The following ZKSCAN3 variants were observed in gnomAD, a reference collection of about 807,000 sequenced individuals.
ZKSCAN3 encodes zinc finger with KRAB and SCAN domains 3.
A neutral mutation model predicts 30.7 loss-of-function variants in ZKSCAN3; 21 were observed. The ratio of observed to expected loss-of-function variants is 0.68; its 90% CI spans 0.49 to 0.99. ZKSCAN3 has a LOEUF of 0.99. ZKSCAN3 is among the 50% of genes least tolerant of loss of function. The probability of loss-of-function intolerance (pLI) is 0.00; values close to 1 mark genes in which losing one functional copy is unlikely to be tolerated. For missense variants in ZKSCAN3, 507 were observed against 647.1 expected, an observed-to-expected ratio of 0.78 and a Z score of 2.35; for synonymous variants, 201 against 246.7, an observed-to-expected ratio of 0.81 and a Z score of 1.73.
rs112636754 is a variant in ZKSCAN3 at position 28,350,084 on chromosome 6, A to ATGTGTG, written c.-63+39_-63+44dup. On this transcript the variant is annotated intron_variant, in intron 1 of 5. Transcript: ENST00000252211. ...CGGGTAGAGGTGCGTTTGCAGGAGT[A>ATGTGTG]TGTGTGTGTGTGTGTGTGTGTGTGT... 0.086 allele frequency: 12,743 copies of ATGTGTG among 148,698 alleles called. 596 individuals carry two copies. The highest frequency in any genetic ancestry group is 0.11 in the African/African-American group (4,236 of 40,292). 9.2% of individuals were successfully genotyped at this position (148,698 alleles called of 1,614,324 possible). A position where few individuals can be genotyped will look rare whatever the true frequency, so the allele number is the denominator to read the frequency against.
At chr6:28,350,251 A>G (rs1764899908) in intron 1 of ZKSCAN3, 184 bp downstream of exon 1, 1 of 152,258 alleles carries the variant, frequency 6.6e-6, no homozygotes, top group African/African-American at 2.4e-5. Flanking sequence ...GTAGAGCCCA[A>G]TATGGGTGTC....
intron 1 of ZKSCAN3, 96 bp from the exon 2 acceptor site, chr6:28,359,429 C>A: frequency 1.1e-6 from 1 of 892,638 alleles, no homozygotes; most frequent in Non-Finnish European, 1.7e-6. Flanking sequence ...GGAGAAATTT[C>A]TGCAGCAGTT....
In ZKSCAN3 at chr6:28,368,658, A is replaced by C. The variant is rs1415511514; in HGVS notation, c.*2373A>C. 1.9e-5 allele frequency: 3 copies of C among 155,104 alleles called. No individual in the cohort carries two copies. Among genetic ancestry groups the C allele is most frequent in the Middle Eastern group, 5.2e-4 (1 of 1,920 alleles). 9.6% of individuals were successfully genotyped at this position (155,104 alleles called of 1,614,324 possible). A position where few individuals can be genotyped will look rare whatever the true frequency, so the allele number is the denominator to read the frequency against. On this transcript the variant is annotated 3_prime_UTR_variant, in exon 6 of 6. Transcript: ENST00000252211. ...TCACCTTATTCCTACAATAAGGAGA[A>C]GTGCACTAACAAAATGAACAATGCA...
chr6:28,355,827 A>G (rs1199074759), intron 1 of ZKSCAN3, among the ~76,000 whole-genome samples: 1 of 152,244 alleles, frequency 6.6e-6, no homozygotes, highest in Non-Finnish European at 1.5e-5. Context: ...AATGTCGATT[A>G]AGAGGAATGC....
At chr6:28,358,607 G>A (rs2113915394) in intron 1 of ZKSCAN3, among the ~76,000 whole-genome samples, 2 of 152,160 alleles carry the variant, frequency 1.3e-5, no homozygotes, top group African/African-American at 4.8e-5. Flanking sequence ...CAAAATCTGG[G>A]CTGCGCGCAG....
chr6:28,365,285 T>G (rs912686157), intron 5 of ZKSCAN3, 141 bp from the exon 6 acceptor site: 23 of 1,260,886 alleles, frequency 1.8e-5, no homozygotes, highest in Non-Finnish European at 1.9e-5. Context: ...TGTTCTCCCC[T>G]TTTATTCCCA....
Position 28,365,648 on chromosome 6 carries a change from C to T in ZKSCAN3, c.980C>T (p.Ser327Leu), listed in dbSNP as rs1765930946. ...TGTGGAAAGAGTTTTGCTCAAAGCT[C>T]AGGCCTGAGTAAACACAGGAGAATC... ...HECGKSFAQS[S>L]GLSKHRRIHT... is the part of the protein sequence containing the mutation. Residue 327 changes from serine (S) to leucine (L), a missense_variant, in exon 6 of 6, where the codon TCA becomes TTA. Coordinates refer to ENST00000252211, the MANE Select transcript of ZKSCAN3 (RefSeq NM_024493.4). 2 of 1,614,134 alleles carry T rather than the reference C, an allele frequency of 1.2e-6. No homozygotes were observed. The highest frequency in any genetic ancestry group is 1.7e-6 in the Non-Finnish European group (2 of 1,180,046).
Position 28,363,319 on chromosome 6 carries a change from G to A in ZKSCAN3, c.567G>A (p.Val189=). The change falls in exon 4 of 6, where the codon GTG becomes GTA. Residue 189 remains valine, a synonymous_variant. Coordinates refer to ENST00000252211, the MANE Select transcript of ZKSCAN3 (RefSeq NM_024493.4). The stretch of plus-strand genomic sequence containing the variant: ...CCTTCTTAGTTCTCCAGGTCCCCGT[G>A]CTTGCCCATGGAGGATGCTGCAGAG... The part of the protein sequence containing the change: ...PLQDRVLQVP[V]LAHGGCCRED... The A allele has an allele frequency of 6.2e-7, 1 of 1,614,050 alleles. No homozygotes were observed. The highest frequency in any genetic ancestry group is 1.1e-5 in the South Asian group (1 of 91,074).
chr6:28,368,194 C>G lies in ZKSCAN3; in HGVS notation c.*1909C>G, dbSNP rs1275661198. On this transcript the variant is annotated 3_prime_UTR_variant, in exon 6 of 6. Transcript: ENST00000252211. ...TGAGACGAGGTTTCACTGTGTTAGC[C>G]AGGATGCTCTCGATCTCCTGACCTC... 1 of 152,096 alleles carries G rather than the reference C, an allele frequency of 6.6e-6. No individual in the cohort carries two copies. Among genetic ancestry groups the G allele is most frequent in the Non-Finnish European group, 1.5e-5 (1 of 68,020 alleles). The allele number at this position is 152,096 out of a possible 1,614,324, so 9.4% of individuals were successfully genotyped here.
intron 1 of ZKSCAN3, chr6:28,356,283 G>T (rs1765416289): frequency 1.3e-5 from 2 of 152,200 alleles, no homozygotes; most frequent in South Asian, 4.1e-4. Context: ...TCCTTTTCCC[G>T]AATGACTTGC....
At chr6:28,363,562 C>A (rs1231768016) in intron 4 of ZKSCAN3, 130 bp from the exon 5 acceptor site, 1 of 1,439,002 alleles carries the variant, frequency 6.9e-7, no homozygotes, top group Non-Finnish European at 9.5e-7. Context: ...TATTTAGGTG[C>A]CCACTTAAGA....
At position 28,366,223 on chromosome 6, in the gene ZKSCAN3, C is replaced by T; in HGVS notation, c.1555C>T (p.Arg519Ter). 3 of 1,568,382 alleles carry T rather than the reference C, an allele frequency of 1.9e-6. No homozygotes were observed. The highest frequency in any genetic ancestry group is 1.2e-5 in the South Asian group (1 of 82,518). ...TAATGCGTGTGGAAAAGGCTTCACC[C>T]GAATTTCATACCTTGTTCAACATCA... ...QCNACGKGFT[R>*]ISYLVQHQRS... Residue 519 changes from arginine to a stop codon, truncating the protein, a stop_gained, in exon 6 of 6, where the codon CGA becomes TGA. Coordinates refer to ENST00000252211, the MANE Select transcript of ZKSCAN3 (RefSeq NM_024493.4). LOFTEE classifies it low-confidence loss of function (END_TRUNC).
In ZKSCAN3 at chr6:28,365,842, C is replaced by CACA; in HGVS notation, c.1175_1177dup (p.His392_Thr393insAsn). ...AGACCTTATCAAGCATCAGAGAACCCACACTGGGGAGAAGCCCTATGAGTG... is the reference window on the plus strand; with the variant it reads ...AGACCTTATCAAGCATCAGAGAACCCACAACACTGGGGAGAAGCCCTATGAGTG... On this transcript the variant is annotated inframe_insertion, in exon 6 of 6. Transcript: ENST00000252211. The CACA allele has an allele frequency of 6.2e-7, 1 of 1,614,084 alleles. No individual in the cohort carries two copies.
In ZKSCAN3 at chr6:28,365,717, C is replaced by T. The variant is rs1011662496; in HGVS notation, c.1049C>T (p.Ala350Val). 24 of 1,613,516 alleles carry T rather than the reference C, an allele frequency of 1.5e-5. No homozygotes were observed. The highest frequency in any genetic ancestry group is 2.0e-5 in the Non-Finnish European group (24 of 1,179,760). ...TACGAATGTGAAGAGTGTGGCAAAG[C>T]CTTCATTGGGAGCTCTGCCCTTGTC... ...KPYECEECGK[A>V]FIGSSALVIH... The change falls in exon 6 of 6, where the codon GCC (alanine) becomes GTC (valine). Residue 350 changes from alanine (A) to valine (V), a missense_variant. Physicochemically the swap from Ala to Val is moderately conservative, Grantham distance 64. Transcript: ENST00000252211.
Position 28,359,978 on chromosome 6 carries a change from C to T in ZKSCAN3, c.392C>T (p.Pro131Leu), listed in dbSNP as rs199522744. 1.6e-4 allele frequency: 262 copies of T among 1,613,974 alleles called. No homozygotes were observed. Among genetic ancestry groups the T allele is most frequent in the Non-Finnish European group, 2.2e-4 (254 of 1,180,018 alleles). The change falls in exon 2 of 6, where the codon CCG becomes CTG. Residue 131 changes from proline (P) to leucine (L), a missense_variant. Physicochemically the swap from Pro to Leu is moderately conservative, Grantham distance 98. Coordinates refer to ENST00000252211, the MANE Select transcript of ZKSCAN3 (RefSeq NM_024493.4). ...TATTTGGAGAGGCAGCTGGATGAGC[C>T]GGCGCCGCAGGTAGAAAGAACAGGT... ...LEYLERQLDE[P>L]APQVSGVDQG...
intron 1 of ZKSCAN3, among the ~76,000 whole-genome samples, chr6:28,356,872 C>T (rs1328781119): frequency 1.3e-5 from 2 of 152,236 alleles, no homozygotes; most frequent in Non-Finnish European, 2.9e-5. Flanking sequence ...GGCTGCATAG[C>T]CGCTCCGGGA....
At position 28,363,829 on chromosome 6, in the gene ZKSCAN3, A is replaced by G. The variant is rs1488333840; in HGVS notation, c.757+14A>G. 4.3e-6 allele frequency: 7 copies of G among 1,612,294 alleles called. No homozygotes were observed. In the East Asian group the frequency reaches 6.7e-5, roughly 15 times the overall value. ...TGGTCTCCCTGGGTAAGACTAAAGGACACTAATTTCTGTTAAGGTTTCTTG... is the reference window on the plus strand; with the variant it reads ...TGGTCTCCCTGGGTAAGACTAAAGGGCACTAATTTCTGTTAAGGTTTCTTG... On this transcript the variant is annotated intron_variant, in intron 5 of 5. Coordinates refer to ENST00000252211, the MANE Select transcript of ZKSCAN3 (RefSeq NM_024493.4).
chr6:28,354,411 C>T (rs759947702), intron 1 of ZKSCAN3, among the ~76,000 whole-genome samples: 2 of 152,154 alleles, frequency 1.3e-5, no homozygotes, highest in South Asian at 2.1e-4. Flanking sequence ...CCCCCTTGGC[C>T]GAGGGAGACA....
rs192134636 is a variant in ZKSCAN3 at position 28,366,357 on chromosome 6, T to C, written c.*72T>C. ...AAGCCACTCCCCCTGGAGTCTCAAC[T>C]ATAGAAATTGTGGGCTGGGCTTTAT... On this transcript the variant is annotated 3_prime_UTR_variant, in exon 6 of 6. Transcript: ENST00000252211. 1.4e-5 allele frequency: 20 copies of C among 1,444,552 alleles called. 1 individual carries two copies. In the African/African-American group the frequency reaches 2.4e-4, roughly 17 times the overall value. The allele number at this position is 1,444,552 out of a possible 1,614,324, so 89.5% of individuals were successfully genotyped here.
Sources: allele counts gnomAD v4.1 joint callset (sites outside exome capture counted in the v4.1 genomes callset), GRCh38; gene constraint gnomAD v4.1.1; transcripts MANE v1.5; gene names NCBI Gene and HGNC (gene_info 2026-07-23, HGNC 2026-07-21).